The following ERBB4 variants were observed in gnomAD, a reference collection of about 807,000 sequenced individuals.
ERBB4 encodes the protein erb-b2 receptor tyrosine kinase 4.
A neutral mutation model predicts 158.0 loss-of-function variants in ERBB4; 42 were observed. The ratio of observed to expected loss-of-function variants is 0.27; its 90% CI spans 0.21 to 0.34. ERBB4 has a LOEUF of 0.34. Ranked by LOEUF, ERBB4 falls within the 10% of genes least tolerant of loss-of-function variation. ERBB4 has a pLI of 1.00. For missense variants in ERBB4, 1,333 were observed against 1,624.1 expected, an observed-to-expected ratio of 0.82 and a Z score of 3.08; for synonymous variants, 583 against 558.7, an observed-to-expected ratio of 1.04 and a Z score of -0.61.
At chr2:211,566,433 T>A (rs1303136209) in intron 19 of ERBB4, among the ~76,000 whole-genome samples, 1 of 152,174 alleles carries the variant, frequency 6.6e-6, no homozygotes, top group Non-Finnish European at 1.5e-5. Flanking sequence ...TTTGCATAAT[T>A]AGCAGAGCCA....
intron 19 of ERBB4, among the ~76,000 whole-genome samples, chr2:211,597,657 A>G (rs1972142): frequency 0.86 from 128,847 of 150,114 alleles, 55,098 homozygotes; most frequent in Admixed American, 0.91. Flanking sequence ...ATTACACAAT[A>G]CAAATTCATC....
At chr2:212,204,635 T>G (rs2105910488) in intron 1 of ERBB4, among the ~76,000 whole-genome samples, 1 of 150,998 alleles carries the variant, frequency 6.6e-6, no homozygotes, top group South Asian at 2.1e-4. Context: ...AGGCAGAGGT[T>G]GCAGTGAGTT....
At chr2:211,854,680 G>A (rs761656290) in intron 3 of ERBB4, among the ~76,000 whole-genome samples, 1 of 151,966 alleles carries the variant, frequency 6.6e-6, no homozygotes, top group African/African-American at 2.4e-5. Flanking sequence ...CCACTTTCAC[G>A]ACTGTATAGT....
intron 2 of ERBB4, among the ~76,000 whole-genome samples, chr2:211,968,313 T>C (rs2081357630): frequency 6.6e-6 from 1 of 152,064 alleles, no homozygotes; most frequent in African/African-American, 2.4e-5. Flanking sequence ...ATTTTTCTTG[T>C]TCTGGATAGT....
rs190678799 is a variant in ERBB4 at position 212,050,201 on chromosome 2, T to C, written c.234+74551A>G. On this transcript the variant is annotated intron_variant, in intron 2 of 27. Coordinates refer to ENST00000342788, the MANE Select transcript of ERBB4 (RefSeq NM_005235.3). ...CTCTGGACCAAACAGGGTATGTCTGTCTGAATAACTCCATGACTTACTCAG... is the reference window on the plus strand; with the variant it reads ...CTCTGGACCAAACAGGGTATGTCTGCCTGAATAACTCCATGACTTACTCAG... Among the ~76,000 whole-genome samples the C allele has an allele frequency of 7.7e-4, 117 of 152,278 alleles. 3 individuals carry two copies. The highest frequency in any genetic ancestry group is 1.9e-4 in the East Asian group (1 of 5,186).
intron 19 of ERBB4, among the ~76,000 whole-genome samples, chr2:211,601,839 A>C (rs780680196): frequency 3.9e-5 from 6 of 152,112 alleles, no homozygotes; most frequent in East Asian, 1.9e-4. Context: ...GAGGCAAAAG[A>C]AAATAAATAT....
chr2:211,755,337 A>C (rs2075265702), intron 4 of ERBB4, among the ~76,000 whole-genome samples: 1 of 151,972 alleles, frequency 6.6e-6, no homozygotes, highest in Non-Finnish European at 1.5e-5. Flanking sequence ...CCCGGCCTCT[A>C]CAAAAAATGC....
intron 19 of ERBB4, among the ~76,000 whole-genome samples, chr2:211,608,579 T>A (rs866625453): frequency 1.1e-4 from 17 of 152,344 alleles, no homozygotes; most frequent in Middle Eastern, 3.4e-3. Context: ...TAATTCTTTA[T>A]AATTTACAAT....
chr2:212,415,237 T>C (rs925313088), intron 1 of ERBB4, among the ~76,000 whole-genome samples: 4 of 152,188 alleles, frequency 2.6e-5, no homozygotes, highest in African/African-American at 9.6e-5. Flanking sequence ...AAGGCCTGTT[T>C]AACCACTTAC....
At chr2:212,245,507 A>G (rs758266607) in intron 1 of ERBB4, among the ~76,000 whole-genome samples, 2 of 152,166 alleles carry the variant, frequency 1.3e-5, no homozygotes, top group Non-Finnish European at 2.9e-5. Context: ...TATATCAGAT[A>G]TTGACGTTAA....
Position 212,287,957 on chromosome 2 carries a change from A to T in ERBB4, c.83-163054T>A, listed in dbSNP as rs77582789. Reference sequence around the variant, plus strand: ...TCAGTAAAAACACCTAATGGGCACGAGGCTTAATACCTGGGCTATGAAATA... The same window carrying T: ...TCAGTAAAAACACCTAATGGGCACGTGGCTTAATACCTGGGCTATGAAATA... On this transcript the variant is annotated intron_variant, in intron 1 of 27. Coordinates refer to ENST00000342788, the MANE Select transcript of ERBB4 (RefSeq NM_005235.3). Among the ~76,000 whole-genome samples, 1,340 of 152,214 alleles carry T rather than the reference A, an allele frequency of 8.8e-3. 17 individuals carry two copies. Among genetic ancestry groups the T allele is most frequent in the African/African-American group, 0.031 (1,287 of 41,560 alleles).
At chr2:211,897,647 T>G (rs948997025) in intron 3 of ERBB4, among the ~76,000 whole-genome samples, 4 of 152,166 alleles carry the variant, frequency 2.6e-5, no homozygotes, top group Non-Finnish European at 4.4e-5. Flanking sequence ...TTTGGTGGTC[T>G]GACCCAACCC....
intron 19 of ERBB4, among the ~76,000 whole-genome samples, chr2:211,575,158 G>T (rs1048585188): frequency 6.6e-6 from 1 of 152,186 alleles, no homozygotes; most frequent in Non-Finnish European, 1.5e-5. Context: ...CTCTGCAGGA[G>T]CTATTCATGT....
rs866272812 is a variant in ERBB4 at position 212,191,640 on chromosome 2, A to G, written c.83-66737T>C. 3.5e-4 allele frequency among the ~76,000 whole-genome samples: 46 copies of G among 131,992 alleles called. 3 individuals are homozygous for G. In the Middle Eastern group the frequency reaches 0.028, roughly 79 times the overall value. 86.6% of individuals were successfully genotyped at this position (131,992 alleles called of 152,430 possible). A position where few individuals can be genotyped will look rare whatever the true frequency, so the allele number is the denominator to read the frequency against. On this transcript the variant is annotated intron_variant, in intron 1 of 27. Transcript: ENST00000342788. The stretch of plus-strand genomic sequence containing the variant: ...ATATAACACATGTGTTATGCATGCT[A>G]TATATAACACATGCGTTATACATGT...
intron 3 of ERBB4, among the ~76,000 whole-genome samples, chr2:211,838,087 T>G (rs1311507689): frequency 3.9e-5 from 6 of 151,980 alleles, no homozygotes; most frequent in Non-Finnish European, 5.9e-5. Context: ...AGTGAAAAAG[T>G]AGGAGTACCA....
intron 1 of ERBB4, among the ~76,000 whole-genome samples, chr2:212,529,837 A>C (rs971518195): frequency 4.6e-5 from 7 of 152,196 alleles, no homozygotes; most frequent in Non-Finnish European, 1.0e-4. Context: ...AGTAAAACTT[A>C]AAAGATTCAA....
intron 2 of ERBB4, among the ~76,000 whole-genome samples, chr2:212,018,541 T>C (rs1272088602): frequency 6.6e-6 from 1 of 152,210 alleles, no homozygotes; most frequent in Non-Finnish European, 1.5e-5. Flanking sequence ...TCTAGTTCAT[T>C]GTTTCTTAAT....
chr2:212,189,772 G>A (rs902889475), intron 1 of ERBB4, among the ~76,000 whole-genome samples: 1 of 151,920 alleles, frequency 6.6e-6, no homozygotes, highest in Admixed American at 6.6e-5. Flanking sequence ...GATTCATATC[G>A]CTTTGTTTAT....
chr2:211,571,754 C>A (rs919875304), intron 19 of ERBB4, among the ~76,000 whole-genome samples: 5 of 152,056 alleles, frequency 3.3e-5, no homozygotes, highest in Admixed American at 1.3e-4. Context: ...GAATGCAATA[C>A]CATTTTATGA....
Sources: allele counts gnomAD v4.1 joint callset (sites outside exome capture counted in the v4.1 genomes callset), GRCh38; gene constraint gnomAD v4.1.1; transcripts MANE v1.5; gene names NCBI Gene and HGNC (gene_info 2026-07-23, HGNC 2026-07-21).